The following RCC1L variants were observed in gnomAD, a reference collection of about 807,000 sequenced individuals.
RCC1L encodes the protein RCC1-like G exchanging factor-like protein.
A neutral mutation model predicts 58.6 loss-of-function variants in RCC1L; 46 were observed. That is an observed-to-expected ratio of 0.79 (90% CI 0.62 to 1.00). The LOEUF (loss-of-function observed/expected upper bound fraction) is 1.00. RCC1L is among the 50% of genes least tolerant of loss of function. RCC1L has a pLI of 0.00. For synonymous variants in RCC1L, 281 were observed against 262.9 expected (o/e 1.07, Z -0.67); for missense variants, 636 against 623.6 (o/e 1.02, Z -0.21).
Position 75,073,609 on chromosome 7 carries a change from C to T in RCC1L, c.129G>A (p.Ala43=), listed in dbSNP as rs1554446516. The change falls in exon 1 of 11, where the codon GCG becomes GCA. Residue 43 remains alanine, a synonymous_variant. Transcript: ENST00000610322. The part of the protein sequence containing the change: ...RSRREAAEAE[A]EVPVVQYVGE... The stretch of plus-strand genomic sequence containing the variant: ...CCACGTACTGGACCACGGGCACCTC[C>T]GCCTCGGCTTCTGCCGCTTCGCGCC... 2 of 1,521,866 alleles carry T rather than the reference C, an allele frequency of 1.3e-6. No homozygotes were observed. Among genetic ancestry groups the T allele is most frequent in the South Asian group, 1.2e-5 (1 of 81,280 alleles). The allele number at this position is 1,521,866 out of a possible 1,614,324, so 94.3% of individuals were successfully genotyped here.
rs1805397515 is a variant in RCC1L at position 75,034,736 on chromosome 7, C to T, written c.1318-6657G>A. On this transcript the variant is annotated intron_variant, in intron 10 of 10. Coordinates refer to the RCC1L transcript ENST00000614461. ...TAAATTTATTTGCTCACTGCAGCCT[C>T]GAACTCCTGGTCTCAAGCACTCCTC... is the stretch of plus-strand genomic sequence containing the variant. Among the ~76,000 whole-genome samples the T allele has an allele frequency of 3.3e-5, 5 of 152,228 alleles. No individual in the cohort carries two copies. In the South Asian group the frequency reaches 6.2e-4, roughly 19 times the overall value.
At chr7:75,059,856 G>T (rs1263445374) in intron 6 of RCC1L, among the ~76,000 whole-genome samples, 1 of 152,106 alleles carries the variant, frequency 6.6e-6, no homozygotes, top group African/African-American at 2.4e-5. Context: ...GGCACAGTGG[G>T]TTCATGCCAT....
downstream of RCC1L, among the ~76,000 whole-genome samples, chr7:75,037,526 A>G (rs1279665413): frequency 7.7e-6 from 1 of 130,004 alleles, no homozygotes; most frequent in African/African-American, 3.0e-5. Flanking sequence ...TTTTTGGGAG[A>G]CGGAGTCTCG....
chr7:75,066,547 C>T (rs1806493431), intron 3 of RCC1L, 117 bp downstream of exon 3: 1 of 1,407,270 alleles, frequency 7.1e-7, no homozygotes, highest in African/African-American at 1.4e-5. Flanking sequence ...GGAAATACCA[C>T]ATTTCACTCA....
chr7:75,057,490 C>A, intron 8 of RCC1L, 39 bp downstream of exon 8: 4 of 1,604,214 alleles, frequency 2.5e-6, no homozygotes, highest in Non-Finnish European at 3.4e-6. Context: ...TGTAATCTAC[C>A]TACAGCTTCC....
At chr7:75,070,883 T>C (rs1451401875) in intron 1 of RCC1L, 114 bp from the exon 2 acceptor site, 1 of 1,399,350 alleles carries the variant, frequency 7.1e-7, no homozygotes, top group African/African-American at 1.4e-5. Flanking sequence ...GGGGGTTTTG[T>C]TTTTGTTTTT....
chr7:75,039,551 G>A (rs1167186858), downstream of RCC1L, among the ~76,000 whole-genome samples: 5 of 152,136 alleles, frequency 3.3e-5, no homozygotes, highest in African/African-American at 1.2e-4. Context: ...GTGGAGTGGC[G>A]GTCTGCATAC....
At chr7:75,066,911 G>A (rs1806512772) in intron 2 of RCC1L, 119 bp from the exon 3 acceptor site, 4 of 1,355,986 alleles carry the variant, frequency 2.9e-6, no homozygotes, top group East Asian at 2.8e-5. Flanking sequence ...GACTCATCAA[G>A]ACAGGTAAGT....
rs1346971926 is a variant in RCC1L at position 75,058,578 on chromosome 7, G to A, written c.969+10C>T. 4.4e-6 allele frequency: 7 copies of A among 1,592,840 alleles called. No individual in the cohort carries two copies. Among genetic ancestry groups the A allele is most frequent in the South Asian group, 3.4e-5 (3 of 88,960 alleles). The stretch of plus-strand genomic sequence containing the variant: ...AACCTCCCAGCACCACGCTGTCGGC[G>A]ACTGCATACCTGTGTGGAGTCAGTG... On this transcript the variant is annotated intron_variant, in intron 7 of 10. Coordinates refer to ENST00000610322, the MANE Select transcript of RCC1L (RefSeq NM_030798.5).
intron 10 of RCC1L, among the ~76,000 whole-genome samples, chr7:75,049,715 C>T (rs1415472697): frequency 1.3e-5 from 2 of 149,154 alleles, no homozygotes; most frequent in African/African-American, 2.5e-5. Flanking sequence ...CCCATCTCTA[C>T]AAAAAATACA....
Position 75,042,804 on chromosome 7 carries a change from G to A in RCC1L, c.*228C>T. ...TGCGGGCCACAGCGGCCCACCAAAGGCTGCCATCCAAGCTGAGTTCCGCAG... is the reference window on the plus strand; with the variant it reads ...TGCGGGCCACAGCGGCCCACCAAAGACTGCCATCCAAGCTGAGTTCCGCAG... On this transcript the variant is annotated 3_prime_UTR_variant, in exon 11 of 11. Transcript: ENST00000610322. 2 of 1,436,182 alleles carry A rather than the reference G, an allele frequency of 1.4e-6. No individual in the cohort carries two copies. Among genetic ancestry groups the A allele is most frequent in the Admixed American group, 5.8e-5 (2 of 34,434 alleles). 89.0% of individuals were successfully genotyped at this position (1,436,182 alleles called of 1,614,324 possible). A position where few individuals can be genotyped will look rare whatever the true frequency, so the allele number is the denominator to read the frequency against.
downstream of RCC1L, among the ~76,000 whole-genome samples, chr7:75,040,033 A>G (rs35830875): frequency 0.11 from 16,938 of 152,098 alleles, 986 homozygotes; most frequent in South Asian, 0.13. Flanking sequence ...AAGAGCTCCA[A>G]CCAGGAGCCC....
chr7:75,044,006 C>T (rs1805641278), intron 10 of RCC1L, among the ~76,000 whole-genome samples: 1 of 152,208 alleles, frequency 6.6e-6, no homozygotes, highest in Non-Finnish European at 1.5e-5. Context: ...GAGCCCTGAT[C>T]ACACTGCCTG....
chr7:75,051,558 G>A (rs922618976), intron 10 of RCC1L, among the ~76,000 whole-genome samples: 8 of 151,812 alleles, frequency 5.3e-5, no homozygotes, highest in Admixed American at 4.6e-4. Flanking sequence ...GATTACAGGC[G>A]TGTGCCACCA....
Position 75,073,482 on chromosome 7 carries a change from G to GC in RCC1L, c.255dup (p.Pro86AlafsTer39). ...CGGCGCGGTCGGGCGCCGGCGCGGGGCCCGGGCCCGGAGCTGGGCACCACA... is the reference window on the plus strand; with the variant it reads ...CGGCGCGGTCGGGCGCCGGCGCGGGGCCCCGGGCCCGGAGCTGGGCACCACA... On this transcript the variant is annotated frameshift_variant, in exon 1 of 11. Transcript: ENST00000610322. LOFTEE classifies it high-confidence loss of function. The GC allele has an allele frequency of 7.2e-7, 1 of 1,384,886 alleles. No individual in the cohort carries two copies. The highest frequency in any genetic ancestry group is 9.3e-7 in the Non-Finnish European group (1 of 1,074,710). 85.8% of individuals were successfully genotyped at this position (1,384,886 alleles called of 1,614,324 possible).
chr7:75,056,405 T>A, intron 8 of RCC1L: 1 of 1,015,358 alleles, frequency 9.8e-7, no homozygotes, highest in East Asian at 2.8e-5. Flanking sequence ...TACCAGAGAA[T>A]TGGAGGATGT....
chr7:75,069,014 G>A (rs587733731), intron 2 of RCC1L, among the ~76,000 whole-genome samples: 24 of 151,848 alleles, frequency 1.6e-4, no homozygotes, highest in African/African-American at 4.8e-4. Context: ...GATTACAGGC[G>A]CGCGCCTCCA....
chr7:75,033,570 C>T (rs1265070618), intron 10 of RCC1L, among the ~76,000 whole-genome samples: 2 of 152,090 alleles, frequency 1.3e-5, no homozygotes, highest in Non-Finnish European at 2.9e-5. Context: ...TGGCAGCCAC[C>T]TGTAATCCCA....
rs1000176824 is a variant in RCC1L at position 75,057,407 on chromosome 7, G to A, written c.1057+122C>T. ...GCTGGGATTACAGATGTGAGCCACC[G>A]CGCCCAGCCATGTTACCCTCCTAAG... On this transcript the variant is annotated intron_variant, in intron 8 of 10. Transcript: ENST00000610322. The A allele has an allele frequency of 2.3e-4, 219 of 947,226 alleles. 2 individuals are homozygous for A. The highest frequency in any genetic ancestry group is 2.0e-3 in the South Asian group (142 of 70,568). The allele number at this position is 947,226 out of a possible 1,614,324, so 58.7% of individuals were successfully genotyped here. A position where few individuals can be genotyped will look rare whatever the true frequency, so the allele number is the denominator to read the frequency against.
Sources: gnomAD v4.1 joint callset for allele counts (sites outside exome capture counted in the v4.1 genomes callset) on GRCh38, gnomAD v4.1.1 for gene constraint, MANE v1.5 for transcripts, NCBI Gene and HGNC (gene_info 2026-07-23, HGNC 2026-07-21) for gene names.